AHNAK2: variants seen among roughly 807,000 people sequenced by gnomAD.
The protein encoded by AHNAK2 is protein AHNAK2.
A neutral mutation model predicts 30.7 loss-of-function variants in AHNAK2; 18 were observed. The observed-to-expected ratio is 0.59, with a 90% CI of 0.41 to 0.87. The LOEUF is 0.87. Among genes scored for constraint, AHNAK2 ranks in the 40% least tolerant of loss-of-function variants. The pLI, the probability that AHNAK2 is intolerant of heterozygous loss-of-function variation, is 0.00. For synonymous variants in AHNAK2, 3,590 were observed against 3,073.8 expected, an observed-to-expected ratio of 1.17 and a Z score of -5.56; for missense variants, 8,604 against 7,373.0, an observed-to-expected ratio of 1.17 and a Z score of -6.11.
chr14:104,973,707 T>C (rs188560899), intron 1 of AHNAK2, among the ~76,000 whole-genome samples: 2,505 of 152,242 alleles, frequency 0.016, 62 homozygotes, highest in African/African-American at 0.057. Context: ...CTTTCCGGAC[T>C]CCTGCCTGGA....
intron 1 of AHNAK2, among the ~76,000 whole-genome samples, chr14:104,972,821 A>G (rs1265628793): frequency 6.6e-6 from 1 of 152,316 alleles, no homozygotes; most frequent in African/African-American, 2.4e-5. Flanking sequence ...CCAGGCACTC[A>G]GAACCGAGCC....
rs1464545539 is a variant in AHNAK2, at chr14:104,949,764, A to C, written c.5687T>G (p.Val1896Gly). 6 of 1,587,136 alleles carry C rather than the reference A, an allele frequency of 3.8e-6. 1 individual carries two copies. The highest frequency in any genetic ancestry group is 5.2e-6 in the Non-Finnish European group (6 of 1,163,064). ...QVDMKLPEGQVPEGAGLKGHL... is the reference protein window; with the variant it reads ...QVDMKLPEGQGPEGAGLKGHL... ...CCCTTTGAGGCCGGCTCCCTCGGGC[A>C]CCTGGCCCTCCGGGAGCTTCATGTC... The change falls in exon 7 of 7, where the codon GTG (valine) becomes GGG (glycine). Residue 1896 changes from valine to glycine, a missense_variant. Transcript: ENST00000333244.
Position 104,949,100 on chromosome 14 carries a change from G to A in AHNAK2, c.6351C>T (p.Pro2117=), listed in dbSNP as rs879104207. 8 of 1,070,654 alleles carry A rather than the reference G, an allele frequency of 7.5e-6. 3 individuals carry two copies. Among genetic ancestry groups the A allele is most frequent in the East Asian group, 4.5e-5 (2 of 44,308 alleles). The allele number at this position is 1,070,654 out of a possible 1,614,324, so 66.3% of individuals were successfully genotyped here. The change falls in exon 7 of 7, where the codon CCC becomes CCT. Residue 2117 remains proline (P), a synonymous_variant. Transcript: ENST00000333244. ...GGGCCTGGACGTCCACCTCCATGCTGGGCAGAGACACCTCGACATCGGGGA... is the reference window on the plus strand; with the variant it reads ...GGGCCTGGACGTCCACCTCCATGCTAGGCAGAGACACCTCGACATCGGGGA... ...MRVPDVEVSL[P]SMEVDVQAPR...
At position 104,943,955 on chromosome 14, in the gene AHNAK2, C is replaced by G. The variant is rs768220456; in HGVS notation, c.11496G>C (p.Lys3832Asn). 6.2e-7 allele frequency: 1 copy of G among 1,612,688 alleles called. No individual in the cohort carries two copies. Among genetic ancestry groups the G allele is most frequent in the African/African-American group, 1.3e-5 (1 of 74,526 alleles). ...IEASVHVSAP[K>N]VEADVSLPSM... is the part of the protein sequence containing the mutation. Reference sequence around the variant, plus strand: ...AGGGGAGACTCACATCGGCCTCCACCTTGGGTGCAGACACGTGCACCGAGG... The same window carrying G: ...AGGGGAGACTCACATCGGCCTCCACGTTGGGTGCAGACACGTGCACCGAGG... The change falls in exon 7 of 7, where the codon AAG (lysine) becomes AAC (asparagine). Residue 3832 changes from lysine (K) to asparagine (N), a missense_variant. By Grantham distance (94) the Lys-to-Asn change is moderately conservative. Coordinates refer to ENST00000333244, the MANE Select transcript of AHNAK2 (RefSeq NM_138420.4).
chr14:104,938,126 G>A lies in AHNAK2; in HGVS notation c.17325C>T (p.Pro5775=), dbSNP rs201939750. Residue 5775 remains proline, a synonymous_variant, in exon 7 of 7, where the codon CCC becomes CCT. Coordinates refer to ENST00000333244, the MANE Select transcript of AHNAK2 (RefSeq NM_138420.4). ...CATCGTCAGCTTTTCTGTCCTGCTCGGGCAGGATTAACTCTGTTCTTGCCG... is the reference window on the plus strand; with the variant it reads ...CATCGTCAGCTTTTCTGTCCTGCTCAGGCAGGATTAACTCTGTTCTTGCCG... ...TSAARTELIL[P]EQDRKADDES... is the part of the protein sequence containing the mutation. 5.4e-4 allele frequency: 872 copies of A among 1,613,886 alleles called. 2 individuals are homozygous for A. In the African/African-American group the frequency reaches 8.7e-3, roughly 16 times the overall value.
chr14:104,944,214 G>C lies in AHNAK2; in HGVS notation c.11237C>G (p.Pro3746Arg). 3 of 1,612,910 alleles carry C rather than the reference G, an allele frequency of 1.9e-6. No individual in the cohort carries two copies. Among genetic ancestry groups the C allele is most frequent in the Non-Finnish European group, 2.5e-6 (3 of 1,179,494 alleles). The change falls in exon 7 of 7, where the codon CCC becomes CGC. Residue 3746 changes from proline (P) to arginine (R), a missense_variant. Pro to Arg is a moderately radical substitution (Grantham distance 103). Transcript: ENST00000333244. ...LKGPQVDIKG[P>R]KLDLKVSKAE... ...CTTGGAGACTTTTAGGTCCAGCTTG[G>C]GGCCCTTGATGTCCACCTGGGGGCC...
Position 104,944,447 on chromosome 14 carries a change from C to A in AHNAK2, c.11004G>T (p.Val3668=). 6.2e-7 allele frequency: 1 copy of A among 1,613,168 alleles called. No homozygotes were observed. The change falls in exon 7 of 7, where the codon GTG becomes GTT. Residue 3668 remains valine (V), a synonymous_variant. Transcript: ENST00000333244. The part of the protein sequence containing the change: ...EASVDVSAPK[V]EADVSLPSMQ... ...TGGAGGGGAGACTCACATCGGCTTC[C>A]ACCTTGGGTGCAGACACATCCACCG...
rs1351604741 is a variant in AHNAK2 at position 104,943,882 on chromosome 14, A to G, written c.11569T>C (p.Ser3857Pro). 2.5e-6 allele frequency: 4 copies of G among 1,612,690 alleles called. No homozygotes were observed. The South Asian group carries it at 4.4e-5, about 18-fold the overall frequency. The part of the protein sequence containing the change: ...KTTDLSIQPH[S>P]ADLTVQARQV... ...CGAGCTTGGACCGTCAGGTCGGCAGAATGGGGCTGAATGCTGAGGTCAGTG... is the reference window on the plus strand; with the variant it reads ...CGAGCTTGGACCGTCAGGTCGGCAGGATGGGGCTGAATGCTGAGGTCAGTG... Residue 3857 changes from serine to proline, a missense_variant, in exon 7 of 7, where the codon TCT becomes CCT. Physicochemically the swap from Ser to Pro is moderately conservative, Grantham distance 74. Transcript: ENST00000333244.
chr14:104,955,232 C>T, intron 5 of AHNAK2, 91 bp from the exon 6 acceptor site: 1 of 1,441,480 alleles, frequency 6.9e-7, no homozygotes, highest in Non-Finnish European at 9.4e-7. Context: ...GTCCCGGGGA[C>T]ATGAATAGGG....
chr14:104,945,441 T>A lies in AHNAK2; in HGVS notation c.10010A>T (p.Lys3337Met), dbSNP rs763916321. Residue 3337 changes from lysine (K) to methionine (M), a missense_variant, in exon 7 of 7, where the codon AAG becomes ATG. Physicochemically the swap from Lys to Met is moderately conservative, Grantham distance 95. Coordinates refer to ENST00000333244, the MANE Select transcript of AHNAK2 (RefSeq NM_138420.4). ...IQASVDVSAP[K>M]AEADVSLPSM... ...GGGGAGGCTCACGTCGGCCTCCGCCTTCGGCGCAGACACATCCACCGAGGC... is the reference window on the plus strand; with the variant it reads ...GGGGAGGCTCACGTCGGCCTCCGCCATCGGCGCAGACACATCCACCGAGGC... The A allele has an allele frequency of 1.7e-5, 27 of 1,613,328 alleles. No individual in the cohort carries two copies. In the Admixed American group the frequency reaches 4.3e-4, roughly 26 times the overall value.
Position 104,946,873 on chromosome 14 carries a change from C to G in AHNAK2, c.8578G>C (p.Asp2860His), listed in dbSNP as rs759080095. The G allele has an allele frequency of 6.2e-6, 10 of 1,612,530 alleles. No individual in the cohort carries two copies. The African/African-American group carries it at 1.1e-4, about 17-fold the overall frequency. The change falls in exon 7 of 7, where the codon GAC (aspartate) becomes CAC (histidine). Residue 2860 changes from aspartate to histidine, a missense_variant. Coordinates refer to ENST00000333244, the MANE Select transcript of AHNAK2 (RefSeq NM_138420.4). Reference sequence around the variant, plus strand: ...GCGGAGGGGGGCTGAATGCGGATGTCAGTGGTCTTAAGATCCCCTTGCATG... The same window carrying G: ...GCGGAGGGGGGCTGAATGCGGATGTGAGTGGTCTTAAGATCCCCTTGCATG... ...PSMQGDLKTTDIRIQPPSAQL... is the reference protein window; with the variant it reads ...PSMQGDLKTTHIRIQPPSAQL...
At position 104,955,635 on chromosome 14, in the gene AHNAK2, T is replaced by C; in HGVS notation, c.316-2A>G. ...CACCTCTGTTGCCTCCTGGACAGCCTGGAGCAGAAGCACATCAGGGCCATG... is the reference window on the plus strand; with the variant it reads ...CACCTCTGTTGCCTCCTGGACAGCCCGGAGCAGAAGCACATCAGGGCCATG... On this transcript the variant is annotated splice_acceptor_variant, in intron 4 of 6. Transcript: ENST00000333244. LOFTEE classifies it high-confidence loss of function. 1 of 1,612,760 alleles carries C rather than the reference T, an allele frequency of 6.2e-7. No individual in the cohort carries two copies. Among genetic ancestry groups the C allele is most frequent in the Non-Finnish European group, 8.5e-7 (1 of 1,179,394 alleles).
At position 104,939,168 on chromosome 14, in the gene AHNAK2, C is replaced by A; in HGVS notation, c.16283G>T (p.Ser5428Ile). 1.2e-6 allele frequency: 2 copies of A among 1,613,128 alleles called. No homozygotes were observed. Among genetic ancestry groups the A allele is most frequent in the South Asian group, 1.1e-5 (1 of 90,974 alleles). Residue 5428 changes from serine (S) to isoleucine (I), a missense_variant, in exon 7 of 7, where the codon AGT (serine) becomes ATT (isoleucine). Coordinates refer to ENST00000333244, the MANE Select transcript of AHNAK2 (RefSeq NM_138420.4). ...GATGCTGGCTCCCCAGAGCCCCGGA[C>A]TTTCCTTACAAAGGGCTGTATCAAT... is the stretch of plus-strand genomic sequence containing the variant. ...ANIDTALCKE[S>I]PGLWGASILK...
At position 104,946,924 on chromosome 14, in the gene AHNAK2, C is replaced by G; in HGVS notation, c.8527G>C (p.Val2843Leu). 1 of 1,612,768 alleles carries G rather than the reference C, an allele frequency of 6.2e-7. No individual in the cohort carries two copies. Among genetic ancestry groups the G allele is most frequent in the Non-Finnish European group, 8.5e-7 (1 of 1,179,764 alleles). Residue 2843 changes from valine (V) to leucine (L), a missense_variant, in exon 7 of 7, where the codon GTG becomes CTG. Coordinates refer to ENST00000333244, the MANE Select transcript of AHNAK2 (RefSeq NM_138420.4). ...GAGGGGAAGCTCCCGTCAGCTTCCACCTTCAGCTCAGACACATCCACCGAG... is the reference window on the plus strand; with the variant it reads ...GAGGGGAAGCTCCCGTCAGCTTCCAGCTTCAGCTCAGACACATCCACCGAG... ...EASVDVSELK[V>L]EADGSFPSMQ...
At position 104,937,902 on chromosome 14, in the gene AHNAK2, T is replaced by A. The variant is rs1897852642; in HGVS notation, c.*161A>T. The A allele has an allele frequency of 1.4e-6, 1 of 729,286 alleles. No individual in the cohort carries two copies. 45.2% of individuals were successfully genotyped at this position (729,286 alleles called of 1,614,324 possible). A position where few individuals can be genotyped will look rare whatever the true frequency, so the allele number is the denominator to read the frequency against. ...TTGGTTCCATTTTAGGAGGGCTGTG[T>A]GATGGTGACAAAGGTGTTCTGGTCA... On this transcript the variant is annotated 3_prime_UTR_variant, in exon 7 of 7. Transcript: ENST00000333244.
intron 5 of AHNAK2, 108 bp downstream of exon 5, chr14:104,955,375 G>A: frequency 1.4e-6 from 2 of 1,456,184 alleles, no homozygotes; most frequent in Non-Finnish European, 1.8e-6. Context: ...GGCGTGAGGA[G>A]GTCATCCTAA....
Position 104,950,428 on chromosome 14 carries a change from T to G in AHNAK2, c.5023A>C (p.Lys1675Gln). Residue 1675 changes from lysine to glutamine, a missense_variant, in exon 7 of 7, where the codon AAG (lysine) becomes CAG (glutamine). Lys to Gln is a moderately conservative substitution (Grantham distance 53). Coordinates refer to ENST00000333244, the MANE Select transcript of AHNAK2 (RefSeq NM_138420.4). ...MPSFGVSAPG[K>Q]SIEASVDVSE... ...ACATCCACCGAGGCCTCGATGGACT[T>G]GCCTGGGGCCGACACCCCAAATGAT... 1 of 1,586,748 alleles carries G rather than the reference T, an allele frequency of 6.3e-7. No homozygotes were observed. The highest frequency in any genetic ancestry group is 8.6e-7 in the Non-Finnish European group (1 of 1,162,946).
rs752819329 is a variant in AHNAK2 at position 104,946,645 on chromosome 14, C to A, written c.8806G>T (p.Asp2936Tyr). Residue 2936 changes from aspartate to tyrosine, a missense_variant, in exon 7 of 7, where the codon GAC becomes TAC. Physicochemically the swap from Asp to Tyr is radical, Grantham distance 160. Coordinates refer to ENST00000333244, the MANE Select transcript of AHNAK2 (RefSeq NM_138420.4). ...KGPKAEVTAP[D>Y]VEVSLPSVEV... ...ACGCTGGGCAGAGACACCTCCACGTCGGGGGCCGTCACCTCCGCCTTGGGG... is the reference window on the plus strand; with the variant it reads ...ACGCTGGGCAGAGACACCTCCACGTAGGGGGCCGTCACCTCCGCCTTGGGG... 1.9e-6 allele frequency: 3 copies of A among 1,612,724 alleles called. No individual in the cohort carries two copies. Among genetic ancestry groups the A allele is most frequent in the Non-Finnish European group, 2.5e-6 (3 of 1,179,706 alleles).
intron 1 of AHNAK2, among the ~76,000 whole-genome samples, chr14:104,975,766 G>A (rs1306245496): frequency 6.6e-6 from 1 of 152,310 alleles, no homozygotes; most frequent in South Asian, 2.1e-4. Context: ...AGACCCGCCC[G>A]CGCTGTCACT....
Sources: allele counts gnomAD v4.1 joint callset (sites outside exome capture counted in the v4.1 genomes callset), GRCh38; gene constraint gnomAD v4.1.1; transcripts MANE v1.5; gene names NCBI Gene and HGNC (gene_info 2026-07-23, HGNC 2026-07-21).